The following CHERP variants were observed in gnomAD, a reference collection of about 807,000 sequenced individuals.
CHERP encodes ERPROT 213-21.
A neutral mutation model predicts 113.8 loss-of-function variants in CHERP; 8 were observed. The observed-to-expected ratio is 0.07, with a 90% CI of 0.04 to 0.13. The LOEUF (loss-of-function observed/expected upper bound fraction) is 0.13. Ranked by LOEUF, CHERP falls within the 10% of genes least tolerant of loss-of-function variation. The probability of loss-of-function intolerance (pLI) is 1.00; values close to 1 mark genes in which losing one functional copy is unlikely to be tolerated. For synonymous variants in CHERP, 559 were observed against 524.5 expected (o/e 1.07, Z -0.90); for missense variants, 884 against 1,298.2 (o/e 0.68, Z 4.90).
Position 16,532,549 on chromosome 19 carries a change from G to A in CHERP, c.674+49C>T. 1.3e-6 allele frequency: 2 copies of A among 1,525,480 alleles called. No individual in the cohort carries two copies. Among genetic ancestry groups the A allele is most frequent in the Non-Finnish European group, 1.8e-6 (2 of 1,135,118 alleles). 94.5% of individuals were successfully genotyped at this position (1,525,480 alleles called of 1,614,324 possible). On this transcript the variant is annotated intron_variant, in intron 5 of 16. Transcript: ENST00000546361. The surrounding 1 kb of genome is among the most constrained non-coding windows in gnomAD (Gnocchi z 4.4). ...GCAAGCGGCCACCCAGGAGGGTTGA[G>A]GAGGAGCGCGAGGAAGTGGCGCTCT... is the stretch of plus-strand genomic sequence containing the variant.
Position 16,519,430 on chromosome 19 carries a change from C to T in CHERP, c.2558-78G>A. The stretch of plus-strand genomic sequence containing the variant: ...GCACGTGGGGGGCTGAATGTCCAGA[C>T]AGGCAGTGTAGACATGGGAAATGGG... On this transcript the variant is annotated intron_variant, in intron 16 of 16. Transcript: ENST00000546361. The surrounding 1 kb of genome is among the most constrained non-coding windows in gnomAD (Gnocchi z 6.0). 2 of 1,467,666 alleles carry T rather than the reference C, an allele frequency of 1.4e-6. No homozygotes were observed. Among genetic ancestry groups the T allele is most frequent in the Middle Eastern group, 2.1e-4 (1 of 4,850 alleles). The allele number at this position is 1,467,666 out of a possible 1,614,324, so 90.9% of individuals were successfully genotyped here.
At chr19:16,528,526 T>A (rs2085672275) in intron 8 of CHERP, among the ~76,000 whole-genome samples, 1 of 152,252 alleles carries the variant, frequency 6.6e-6, no homozygotes, top group African/African-American at 2.4e-5. Flanking sequence ...GAAGAATTTC[T>A]ATCCACACTG....
rs759651151 is a variant in CHERP at position 16,519,595 on chromosome 19, G to T, written c.2557+26C>A. ...CCCAGCACGCGTGAGGACCCATCCCGCGCCCTCCCCATTCCCTCGCCTTAC... is the reference window on the plus strand; with the variant it reads ...CCCAGCACGCGTGAGGACCCATCCCTCGCCCTCCCCATTCCCTCGCCTTAC... On this transcript the variant is annotated intron_variant, in intron 16 of 16. Transcript: ENST00000546361. The surrounding 1 kb of genome is among the most constrained non-coding windows in gnomAD (Gnocchi z 6.0). 16 of 1,597,030 alleles carry T rather than the reference G, an allele frequency of 1.0e-5. 2 individuals carry two copies. The South Asian group carries it at 1.2e-4, about 12-fold the overall frequency.
At position 16,523,364 on chromosome 19, in the gene CHERP, G is replaced by A; in HGVS notation, c.1742-74C>T. 6.4e-7 allele frequency: 1 copy of A among 1,565,064 alleles called. No homozygotes were observed. The highest frequency in any genetic ancestry group is 8.7e-7 in the Non-Finnish European group (1 of 1,153,620). On this transcript the variant is annotated intron_variant, in intron 10 of 16. Coordinates refer to ENST00000546361, the MANE Select transcript of CHERP (RefSeq NM_006387.6). This position sits in a 1 kb window ranked among gnomAD's most constrained non-coding sequence, Gnocchi z 4.0. ...CAGGCGACAAGTGCTGGAGGGGAGGGGCTCAGTGAAGGGCCAGGAGACGAA... is the reference window on the plus strand; with the variant it reads ...CAGGCGACAAGTGCTGGAGGGGAGGAGCTCAGTGAAGGGCCAGGAGACGAA...
chr19:16,529,975 C>G (rs2122266927), intron 7 of CHERP, 75 bp from the exon 8 acceptor site: 4 of 1,527,866 alleles, frequency 2.6e-6, no homozygotes, highest in Non-Finnish European at 3.5e-6. Flanking sequence ...GGACAAACGC[C>G]TGGAAAGCAG....
chr19:16,520,209 CGGGACCGCGACT>C lies in CHERP; in HGVS notation c.2390_2401del (p.Gln797_Ser800del). On this transcript the variant is annotated inframe_deletion, in exon 15 of 17. Transcript: ENST00000546361. The surrounding 1 kb of genome is among the most constrained non-coding windows in gnomAD (Gnocchi z 4.0). Reference sequence around the variant, plus strand: ...TCTTCCTGGGGAGTACGACTTGGACCGGGACCGCGACTGGGACCGGGAGCGGCTTCTGGAGGA... The same window carrying C: ...TCTTCCTGGGGAGTACGACTTGGACCGGGACCGGGAGCGGCTTCTGGAGGA... The C allele has an allele frequency of 6.2e-7, 1 of 1,613,374 alleles. No homozygotes were observed. The highest frequency in any genetic ancestry group is 8.5e-7 in the Non-Finnish European group (1 of 1,180,024).
At position 16,521,511 on chromosome 19, in the gene CHERP, G is replaced by A. The variant is rs1432974098; in HGVS notation, c.2114+10C>T. On this transcript the variant is annotated intron_variant, in intron 12 of 16. Coordinates refer to ENST00000546361, the MANE Select transcript of CHERP (RefSeq NM_006387.6). The stretch of plus-strand genomic sequence containing the variant: ...GCCTCCCGCCCACCCCACTGACCTG[G>A]GCCCCTTACCTGTTCCTGGGCCTGT... 1 of 1,580,516 alleles carries A rather than the reference G, an allele frequency of 6.3e-7. No homozygotes were observed. Among genetic ancestry groups the A allele is most frequent in the East Asian group, 2.3e-5 (1 of 43,698 alleles).
At chr19:16,531,052 G>A (rs377636527) in intron 5 of CHERP, 172 bp from the exon 6 acceptor site, 20 of 1,144,536 alleles carry the variant, frequency 1.7e-5, no homozygotes, top group Middle Eastern at 3.0e-4. Context: ...GCCTGGGCTC[G>A]AGGAAGGGAC....
chr19:16,528,050 T>C lies in CHERP; in HGVS notation c.1305+30A>G, dbSNP rs753394960. The C allele has an allele frequency of 5.0e-6, 8 of 1,609,552 alleles. No homozygotes were observed. In the African/African-American group the frequency reaches 9.4e-5, roughly 19 times the overall value. On this transcript the variant is annotated intron_variant, in intron 9 of 16. Coordinates refer to ENST00000546361, the MANE Select transcript of CHERP (RefSeq NM_006387.6). ...ACCCCATCAGGCCAAGTGTGCCCCA[T>C]CTGCTCCCACCCCAGGTTCCAATCA...
At position 16,528,065 on chromosome 19, in the gene CHERP, G is replaced by T; in HGVS notation, c.1305+15C>A. On this transcript the variant is annotated intron_variant, in intron 9 of 16. Coordinates refer to ENST00000546361, the MANE Select transcript of CHERP (RefSeq NM_006387.6). ...GTGTGCCCCATCTGCTCCCACCCCA[G>T]GTTCCAATCAATACCTGCTGCTGGC... 1 of 1,611,948 alleles carries T rather than the reference G, an allele frequency of 6.2e-7. No homozygotes were observed. The highest frequency in any genetic ancestry group is 8.5e-7 in the Non-Finnish European group (1 of 1,179,638).
rs2085717731 is a variant in CHERP at position 16,533,057 on chromosome 19, T to C, written c.476A>G (p.Asn159Ser). The change falls in exon 4 of 17, where the codon AAC (asparagine) becomes AGC (serine). Residue 159 changes from asparagine (N) to serine (S), a missense_variant. Physicochemically the swap from Asn to Ser is conservative, Grantham distance 46 (BLOSUM62 1). This residue lies in a region of CHERP where 73 missense variants were observed against 182.4 expected (regional missense o/e 0.40). Coordinates refer to ENST00000546361, the MANE Select transcript of CHERP (RefSeq NM_006387.6). ...CGTGTCGATGATGGGCTGCAGGAGGTTGTCAAACTCGTTCATGTCTAGCTG... is the reference window on the plus strand; with the variant it reads ...CGTGTCGATGATGGGCTGCAGGAGGCTGTCAAACTCGTTCATGTCTAGCTG... Reference protein sequence around the residue: ...ETQLDMNEFDNLLQPIIDTCT... With the variant: ...ETQLDMNEFDSLLQPIIDTCT... 2 of 1,572,578 alleles carry C rather than the reference T, an allele frequency of 1.3e-6. No homozygotes were observed. The highest frequency in any genetic ancestry group is 1.7e-6 in the Non-Finnish European group (2 of 1,158,726).
At position 16,533,229 on chromosome 19, in the gene CHERP, C is replaced by T. The variant is rs529914262; in HGVS notation, c.385-81G>A. On this transcript the variant is annotated intron_variant, in intron 3 of 16. Transcript: ENST00000546361. ...GCCCTCCGGCCTGGCTCAGCAGGGG[C>T]GGGGTGGGGACATGGTGGCGATGCC... The T allele has an allele frequency of 3.3e-5, 47 of 1,414,782 alleles. No individual in the cohort carries two copies. In the Admixed American group the frequency reaches 6.9e-4, roughly 21 times the overall value. The allele number at this position is 1,414,782 out of a possible 1,614,324, so 87.6% of individuals were successfully genotyped here.
At position 16,535,701 on chromosome 19, in the gene CHERP, C is replaced by T. The variant is rs369016471; in HGVS notation, c.200-65G>A. 10 of 1,405,452 alleles carry T rather than the reference C, an allele frequency of 7.1e-6. No homozygotes were observed. The African/African-American group carries it at 1.0e-4, about 14-fold the overall frequency. The allele number at this position is 1,405,452 out of a possible 1,614,324, so 87.1% of individuals were successfully genotyped here. ...ATGGGGGTCTAGGTGTCCCCTTGGC[C>T]ACCTCTCAGCCACAGGGGCCTCCCC... On this transcript the variant is annotated intron_variant, in intron 2 of 16. Transcript: ENST00000546361. This position sits in a 1 kb window ranked among gnomAD's most constrained non-coding sequence, Gnocchi z 4.3.
chr19:16,541,193 C>G (rs1402139743), intron 2 of CHERP: 1 of 152,182 alleles, frequency 6.6e-6, no homozygotes, highest in Non-Finnish European at 1.5e-5. Flanking sequence ...AACCACCTCT[C>G]AATGTCCATC....
In CHERP at chr19:16,530,274, G is replaced by A. The variant is rs1191245262; in HGVS notation, c.876+311C>T. ...AGCAAGAGGGGCTGCCACAGCCTAA[G>A]CCACGTCTGGGCTTCCTCATGCTTC... On this transcript the variant is annotated intron_variant, in intron 7 of 16. Transcript: ENST00000546361. This position sits in a 1 kb window ranked among gnomAD's most constrained non-coding sequence, Gnocchi z 4.1. Among the ~76,000 whole-genome samples the A allele has an allele frequency of 6.6e-6, 1 of 152,218 alleles. No homozygotes were observed. Among genetic ancestry groups the A allele is most frequent in the Non-Finnish European group, 1.5e-5 (1 of 68,040 alleles).
chr19:16,542,119 C>T (rs1345699546), intron 1 of CHERP, 76 bp from the exon 2 acceptor site: 1 of 1,492,792 alleles, frequency 6.7e-7, no homozygotes, highest in Non-Finnish European at 9.0e-7. Flanking sequence ...GCCCCAGCCC[C>T]CGTCCGCCTT....
Position 16,541,867 on chromosome 19 carries a change from C to T in CHERP, c.199+3G>A, listed in dbSNP as rs1334071333. Reference sequence around the variant, plus strand: ...GACGGCCTGAGTGCCGGAGGGGACTCACGCTGCTGCTGCTCCAGCGCCAGC... The same window carrying T: ...GACGGCCTGAGTGCCGGAGGGGACTTACGCTGCTGCTGCTCCAGCGCCAGC... On this transcript the variant is annotated splice_donor_region_variant and intron_variant, in intron 2 of 16. Coordinates refer to ENST00000546361, the MANE Select transcript of CHERP (RefSeq NM_006387.6). 1.9e-6 allele frequency: 3 copies of T among 1,611,414 alleles called. No homozygotes were observed. Among genetic ancestry groups the T allele is most frequent in the East Asian group, 2.2e-5 (1 of 44,770 alleles).
intron 8 of CHERP, 41 bp downstream of exon 8, chr19:16,529,607 G>A: frequency 1.3e-6 from 2 of 1,527,262 alleles, no homozygotes; most frequent in Non-Finnish European, 1.8e-6. Flanking sequence ...GCCTCTGGGG[G>A]CTGTTTCCTG....
At position 16,525,242 on chromosome 19, in the gene CHERP, C is replaced by T; in HGVS notation, c.1741G>A (p.Glu581Lys). 2.1e-6 allele frequency: 3 copies of T among 1,428,462 alleles called. No individual in the cohort carries two copies. Among genetic ancestry groups the T allele is most frequent in the South Asian group, 1.5e-5 (1 of 64,564 alleles). The allele number at this position is 1,428,462 out of a possible 1,614,324, so 88.5% of individuals were successfully genotyped here. A position where few individuals can be genotyped will look rare whatever the true frequency, so the allele number is the denominator to read the frequency against. ...CCTACCCAGGCGCCCGTACACTCAC[C>T]GGCAGGGAAGTCCCCCTGGGGGTAG... Reference protein sequence around the residue: ...FDYPQGDFPAEMGPPHHHPGH... With the variant: ...FDYPQGDFPAKMGPPHHHPGH... The change falls in exon 10 of 17, where the codon GAA becomes AAA. Residue 581 changes from glutamate to lysine, a missense_variant and splice_region_variant. Physicochemically the swap from Glu to Lys is moderately conservative, Grantham distance 56. Transcript: ENST00000546361. This position sits in a 1 kb window ranked among gnomAD's most constrained non-coding sequence, Gnocchi z 6.5.
Sources: allele counts gnomAD v4.1 joint callset (sites outside exome capture counted in the v4.1 genomes callset), GRCh38; gene constraint gnomAD v4.1.1; regional missense constraint gnomAD v4.1.1; non-coding constraint Gnocchi (gnomAD v3.1); transcripts MANE v1.5; gene names NCBI Gene and HGNC (gene_info 2026-07-23, HGNC 2026-07-21).